Variants in DNAI1 observed in about 807,000 individuals in gnomAD.
The protein encoded by DNAI1 is dynein, axonemal, intermediate polypeptide 1.
Under a neutral mutation model 92.0 loss-of-function variants are expected in DNAI1, and 67 were observed. The ratio of observed to expected loss-of-function variants is 0.73; its 90% confidence interval spans 0.60 to 0.89. The LOEUF (loss-of-function observed/expected upper bound fraction) is 0.89. Among genes scored for constraint, DNAI1 ranks in the 40% least tolerant of loss-of-function variants. The pLI is 0.00. For missense variants in DNAI1, 839 were observed against 866.6 expected (o/e 0.97, Z 0.40); for synonymous variants, 323 against 319.6 (o/e 1.01, Z -0.11).
chr9:34,474,494 C>T (rs1451446016), intron 1 of DNAI1, among the ~76,000 whole-genome samples: 1 of 151,878 alleles, frequency 6.6e-6, no homozygotes, highest in African/African-American at 2.4e-5. Flanking sequence ...GCCTTGGCCT[C>T]CCAAAATGCT....
chr9:34,517,445 C>G lies in DNAI1; in HGVS notation c.1979C>G (p.Pro660Arg). 6.2e-7 allele frequency: 1 copy of G among 1,614,162 alleles called. No homozygotes were observed. The highest frequency in any genetic ancestry group is 8.5e-7 in the Non-Finnish European group (1 of 1,180,036). Residue 660 changes from proline to arginine, a missense_variant, in exon 19 of 20, where the codon CCC (proline) becomes CGC (arginine). Transcript: ENST00000242317. ...CACATCATCAGCCTCAAGCTCTCAC[C>G]CAATTTGCGCAAGATGCCAAAGGTA... ...RGHIISLKLS[P>R]NLRKMPKEKK...
intron 12 of DNAI1, among the ~76,000 whole-genome samples, chr9:34,505,347 C>T (rs1824904570): frequency 6.6e-6 from 1 of 152,152 alleles, no homozygotes; most frequent in Non-Finnish European, 1.5e-5. Flanking sequence ...TCTATGGTTA[C>T]ATCTCCTTCC....
chr9:34,509,345 C>A (rs1052396011), intron 13 of DNAI1, among the ~76,000 whole-genome samples: 1 of 152,130 alleles, frequency 6.6e-6, no homozygotes, highest in African/African-American at 2.4e-5. Flanking sequence ...ATTTGAAGCA[C>A]CCTGCACTTA....
intron 2 of DNAI1, 44 bp downstream of exon 2, chr9:34,483,524 G>C: frequency 1.9e-6 from 3 of 1,576,782 alleles, no homozygotes; most frequent in Non-Finnish European, 2.6e-6. Context: ...GATGCTAATA[G>C]TGTTTTTTTT....
In DNAI1 at chr9:34,497,711, T is replaced by C. The variant is rs138701167; in HGVS notation, c.901+512T>C. 2.5e-3 allele frequency among the ~76,000 whole-genome samples: 383 copies of C among 151,748 alleles called. 1 individual carries two copies. The highest frequency in any genetic ancestry group is 8.8e-3 in the African/African-American group (363 of 41,338). On this transcript the variant is annotated intron_variant, in intron 10 of 19. Coordinates refer to ENST00000242317, the MANE Select transcript of DNAI1 (RefSeq NM_012144.4). Reference sequence around the variant, plus strand: ...GGAGAGAAGGAAAGTGAGGGATGAGTGGGAGTAGTTATGGAAGGCTTTGGA... The same window carrying C: ...GGAGAGAAGGAAAGTGAGGGATGAGCGGGAGTAGTTATGGAAGGCTTTGGA...
chr9:34,490,092 C>A lies in DNAI1; in HGVS notation c.469C>A (p.Pro157Thr). 6.2e-7 allele frequency: 1 copy of A among 1,614,032 alleles called. No individual in the cohort carries two copies. The highest frequency in any genetic ancestry group is 8.5e-7 in the Non-Finnish European group (1 of 1,179,994). The stretch of plus-strand genomic sequence containing the variant: ...AGAGCCCAAGGAGTTAGAAACTGAG[C>A]CTGGGAGTCAAACAGATGTGCCTGC... ...DEEPKELETE[P>T]GSQTDVPAAG... The change falls in exon 6 of 20, where the codon CCT (proline) becomes ACT (threonine). Residue 157 changes from proline to threonine, a missense_variant. Pro to Thr is a conservative substitution (Grantham distance 38, BLOSUM62 -1). Coordinates refer to ENST00000242317, the MANE Select transcript of DNAI1 (RefSeq NM_012144.4).
rs764464046 is a variant in DNAI1 at position 34,500,843 on chromosome 9, A to C, written c.1019+4A>C. 11 of 1,611,722 alleles carry C rather than the reference A, an allele frequency of 6.8e-6. No homozygotes were observed. Among genetic ancestry groups the C allele is most frequent in the Non-Finnish European group, 9.3e-6 (11 of 1,177,850 alleles). On this transcript the variant is annotated splice_donor_region_variant and intron_variant, in intron 11 of 19. Transcript: ENST00000242317. ...TGTCCGTCACTGCCCTCTGCTGGTA[A>C]GTATAGGCATTGCAGCAAATGCAGA... is the stretch of plus-strand genomic sequence containing the variant.
chr9:34,475,639 C>T (rs1824222841), intron 1 of DNAI1, among the ~76,000 whole-genome samples: 1 of 152,128 alleles, frequency 6.6e-6, no homozygotes, highest in East Asian at 1.9e-4. Context: ...CATAACAAGC[C>T]TCTGATTGTC....
intron 13 of DNAI1, among the ~76,000 whole-genome samples, chr9:34,510,033 G>A (rs1260302976): frequency 1.3e-5 from 2 of 152,248 alleles, no homozygotes; most frequent in Non-Finnish European, 2.9e-5. Context: ...GGAAAGCCAG[G>A]CTGGTGAATG....
intron 8 of DNAI1, 32 bp from the exon 9 acceptor site, chr9:34,493,162 A>C (rs1253088415): frequency 6.2e-7 from 1 of 1,614,084 alleles, no homozygotes; most frequent in Non-Finnish European, 8.5e-7. Context: ...ATTGCACCTT[A>C]CAATGATCCT....
chr9:34,463,591 C>A (rs1823987662), intron 1 of DNAI1, among the ~76,000 whole-genome samples: 1 of 152,126 alleles, frequency 6.6e-6, no homozygotes, highest in African/African-American at 2.4e-5. Context: ...GAATTAGAAT[C>A]TTCTGTGAAC....
In DNAI1 at chr9:34,506,635, A is replaced by C. The variant is rs751871090; in HGVS notation, c.1072A>C (p.Met358Leu). The C allele has an allele frequency of 2.5e-6, 4 of 1,614,032 alleles. No individual in the cohort carries two copies. The highest frequency in any genetic ancestry group is 2.5e-6 in the Non-Finnish European group (3 of 1,180,028). ...FAVGYGSYDF[M>L]KQSRGMLLLY... Reference sequence around the variant, plus strand: ...CCATCTTCCCTGGGTAGATGACTTCATGAAGCAGAGCCGGGGCATGCTGCT... The same window carrying C: ...CCATCTTCCCTGGGTAGATGACTTCCTGAAGCAGAGCCGGGGCATGCTGCT... The change falls in exon 13 of 20, where the codon ATG becomes CTG. Residue 358 changes from methionine to leucine, a missense_variant. By Grantham distance (15) the Met-to-Leu change is conservative. Coordinates refer to ENST00000242317, the MANE Select transcript of DNAI1 (RefSeq NM_012144.4).
chr9:34,462,177 G>A (rs929020829), intron 1 of DNAI1, among the ~76,000 whole-genome samples: 5 of 152,126 alleles, frequency 3.3e-5, no homozygotes, highest in Non-Finnish European at 7.3e-5. Context: ...TCTTGCCTTT[G>A]CTACCCATCC....
At chr9:34,512,456 TG>T in intron 15 of DNAI1, 32 bp downstream of exon 15, 1 of 1,604,432 alleles carries the variant, frequency 6.2e-7, no homozygotes, top group South Asian at 1.1e-5. Flanking sequence ...CCTCCAGGCC[TG>T]GCCAGGTCAT....
intron 13 of DNAI1, among the ~76,000 whole-genome samples, chr9:34,507,209 C>T (rs1824953799): frequency 6.6e-6 from 1 of 152,060 alleles, no homozygotes; most frequent in Admixed American, 6.5e-5. Context: ...GTACAGTGGG[C>T]CCTTAGACAA....
At chr9:34,468,303 T>G (rs1177883776) in intron 1 of DNAI1, among the ~76,000 whole-genome samples, 2 of 151,192 alleles carry the variant, frequency 1.3e-5, no homozygotes, top group African/African-American at 4.9e-5. Context: ...TGCCTCAGCC[T>G]CCCGAGTAGC....
chr9:34,504,836 C>T (rs1298383567), intron 12 of DNAI1, among the ~76,000 whole-genome samples: 3 of 152,158 alleles, frequency 2.0e-5, no homozygotes, highest in Admixed American at 6.5e-5. Context: ...AAACTGTGAA[C>T]GTCCTAACAC....
chr9:34,489,148 C>T (rs1396352205), intron 4 of DNAI1, 175 bp from the exon 5 acceptor site: 4 of 704,062 alleles, frequency 5.7e-6, no homozygotes, highest in Non-Finnish European at 9.7e-6. Context: ...TCTTCTCTTC[C>T]TTTTCTTCTT....
At chr9:34,488,249 C>G (rs1824512664) in intron 4 of DNAI1, 1 of 177,218 alleles carries the variant, frequency 5.6e-6, no homozygotes, top group Admixed American at 6.4e-5. Flanking sequence ...AGCCCAAAGT[C>G]ATGAAGATAA....
Sources: allele counts gnomAD v4.1 joint callset (sites outside exome capture counted in the v4.1 genomes callset), GRCh38; gene constraint gnomAD v4.1.1; transcripts MANE v1.5; gene names NCBI Gene and HGNC (gene_info 2026-07-23, HGNC 2026-07-21).